The following SMAD2 variants were observed in gnomAD, a reference collection of about 807,000 sequenced individuals.
SMAD2 encodes MAD homolog 2.
A neutral mutation model predicts 64.4 loss-of-function variants in SMAD2; 8 were observed. The ratio of observed to expected loss-of-function variants is 0.12; its 90% confidence interval spans 0.07 to 0.22. The LOEUF is 0.22. Among genes scored for constraint, SMAD2 ranks in the 10% least tolerant of loss-of-function variants. The pLI, the probability that SMAD2 is intolerant of heterozygous loss-of-function variation, is 1.00. For missense variants in SMAD2, 289 were observed against 561.2 expected (o/e 0.51, Z 4.90); for synonymous variants, 203 against 195.8 (o/e 1.04, Z -0.31).
chr18:47,841,632 T>C lies in SMAD2; in HGVS notation c.*195A>G, dbSNP rs537979570. On this transcript the variant is annotated 3_prime_UTR_variant, in exon 11 of 11. Transcript: ENST00000262160. ...TCTTCCTCTTTAATGGGAGAGTATT[T>C]CTAGACACTAATTTTCCCATCTAAT... The C allele has an allele frequency of 1.2e-4, 77 of 627,044 alleles. 1 individual carries two copies. Among genetic ancestry groups the C allele is most frequent in the Non-Finnish European group, 2.1e-4 (73 of 352,482 alleles). 38.8% of individuals were successfully genotyped at this position (627,044 alleles called of 1,614,324 possible).
rs1912758987 is a variant in SMAD2, at chr18:47,826,427, G to A, written c.*15400C>T. 1 of 152,222 alleles carries A rather than the reference G, an allele frequency of 6.6e-6. No homozygotes were observed. The highest frequency in any genetic ancestry group is 2.4e-5 in the African/African-American group (1 of 41,460). The allele number at this position is 152,222 out of a possible 1,614,324, so 9.4% of individuals were successfully genotyped here. ...TTTAGCCATGTGGCTTGTTTCTGGTGAATGCTAGTTAGCATGAAGCATGCA... is the reference window on the plus strand; with the variant it reads ...TTTAGCCATGTGGCTTGTTTCTGGTAAATGCTAGTTAGCATGAAGCATGCA... On this transcript the variant is annotated 3_prime_UTR_variant, in exon 11 of 11. Transcript: ENST00000262160.
At chr18:47,917,897 G>C (rs113392302) in intron 1 of SMAD2, among the ~76,000 whole-genome samples, 2,608 of 152,256 alleles carry the variant, frequency 0.017, 67 homozygotes, top group African/African-American at 0.059. Context: ...ATAGGGAGAA[G>C]AGGTAAGGAG....
chr18:47,845,193 T>C, intron 10 of SMAD2, 147 bp downstream of exon 10: 1 of 808,878 alleles, frequency 1.2e-6, no homozygotes, highest in South Asian at 1.4e-5. Context: ...GTTTTGAATT[T>C]GGAGGCCTCC....
chr18:47,883,038 A>G (rs942295347), intron 2 of SMAD2, among the ~76,000 whole-genome samples: 3 of 152,148 alleles, frequency 2.0e-5, no homozygotes, highest in Non-Finnish European at 4.4e-5. Context: ...TTATCTCTCC[A>G]AAGAACTCGC....
At chr18:47,902,298 G>A (rs187297823) in intron 1 of SMAD2, among the ~76,000 whole-genome samples, 4 of 152,114 alleles carry the variant, frequency 2.6e-5, no homozygotes, top group East Asian at 1.9e-4. Flanking sequence ...GTTCTCTATC[G>A]CTAAATATAT....
chr18:47,868,264 T>A, intron 5 of SMAD2, 59 bp downstream of exon 5: 1 of 1,435,272 alleles, frequency 7.0e-7, no homozygotes, highest in Non-Finnish European at 9.8e-7. Context: ...AAAACTTGAA[T>A]GCTTATGAAC....
chr18:47,915,381 T>C (rs1016543847), intron 1 of SMAD2, among the ~76,000 whole-genome samples: 1 of 152,212 alleles, frequency 6.6e-6, no homozygotes, highest in African/African-American at 2.4e-5. Context: ...TCCTAGTTCA[T>C]TCATTTTAGC....
intron 2 of SMAD2, among the ~76,000 whole-genome samples, chr18:47,881,614 C>T (rs1189117944): frequency 1.3e-5 from 2 of 152,132 alleles, no homozygotes; most frequent in Non-Finnish European, 2.9e-5. Context: ...CTTGCTAGGT[C>T]TTCTATTAAA....
chr18:47,836,802 G>A lies in SMAD2; in HGVS notation c.*5025C>T, dbSNP rs558211698. The A allele has an allele frequency of 4.6e-4, 99 of 216,552 alleles. 1 individual carries two copies. The highest frequency in any genetic ancestry group is 2.0e-3 in the African/African-American group (90 of 44,104). The allele number at this position is 216,552 out of a possible 1,614,324, so 13.4% of individuals were successfully genotyped here. A position where few individuals can be genotyped will look rare whatever the true frequency, so the allele number is the denominator to read the frequency against. On this transcript the variant is annotated 3_prime_UTR_variant, in exon 11 of 11. Coordinates refer to ENST00000262160, the MANE Select transcript of SMAD2 (RefSeq NM_005901.6). ...TATCTAGTATAGCTCATATTTCCTG[G>A]TTGTAAGGCTCAAAACACAGGAATT...
chr18:47,923,242 T>C (rs2034635501), intron 1 of SMAD2, among the ~76,000 whole-genome samples: 2 of 150,280 alleles, frequency 1.3e-5, no homozygotes, highest in Non-Finnish European at 2.9e-5. Context: ...AGCACAAATA[T>C]AAAGTACAAG....
intron 1 of SMAD2, among the ~76,000 whole-genome samples, chr18:47,906,460 G>A (rs1409769649): frequency 1.3e-5 from 2 of 152,140 alleles, no homozygotes; most frequent in Non-Finnish European, 1.5e-5. Flanking sequence ...AGGAGCACAT[G>A]AAGAGGTATT....
In SMAD2 at chr18:47,816,092, T is replaced by C. The variant is rs1912355517; in HGVS notation, c.*25735A>G. On this transcript the variant is annotated 3_prime_UTR_variant, in exon 11 of 11. Transcript: ENST00000262160. Reference sequence around the variant, plus strand: ...GACGGTAAACACATACCTCATGTCTTGGCTTCTAGAGCCCGGAGATAAGAT... The same window carrying C: ...GACGGTAAACACATACCTCATGTCTCGGCTTCTAGAGCCCGGAGATAAGAT... 1 of 152,234 alleles carries C rather than the reference T, an allele frequency of 6.6e-6. No individual in the cohort carries two copies. The highest frequency in any genetic ancestry group is 2.4e-5 in the African/African-American group (1 of 41,456). The allele number at this position is 152,234 out of a possible 1,614,324, so 9.4% of individuals were successfully genotyped here.
chr18:47,914,508 G>A (rs1186185043), intron 1 of SMAD2, among the ~76,000 whole-genome samples: 1 of 152,136 alleles, frequency 6.6e-6, no homozygotes, highest in Non-Finnish European at 1.5e-5. Flanking sequence ...TATTCTTATG[G>A]ATGCTTTAGT....
chr18:47,825,012 G>A lies in SMAD2; in HGVS notation c.*16815C>T, dbSNP rs931339347. 46 of 152,112 alleles carry A rather than the reference G, an allele frequency of 3.0e-4. No individual in the cohort carries two copies. Among genetic ancestry groups the A allele is most frequent in the Non-Finnish European group, 4.4e-5 (3 of 68,024 alleles). 9.4% of individuals were successfully genotyped at this position (152,112 alleles called of 1,614,324 possible). On this transcript the variant is annotated 3_prime_UTR_variant, in exon 11 of 11. Coordinates refer to ENST00000262160, the MANE Select transcript of SMAD2 (RefSeq NM_005901.6). Reference sequence around the variant, plus strand: ...AGACTGGAAAAAATATACACCAGTCGTTTTCTCTGGTTGTTGGAATCTGGG... The same window carrying A: ...AGACTGGAAAAAATATACACCAGTCATTTTCTCTGGTTGTTGGAATCTGGG...
Position 47,837,010 on chromosome 18 carries a change from A to G in SMAD2, c.*4817T>C, listed in dbSNP as rs1164219611. ...AAATACAACAATCCAATATGCCCCA[A>G]GATGGAAATCTGGTATCGTAGGGAA... On this transcript the variant is annotated 3_prime_UTR_variant, in exon 11 of 11. Coordinates refer to ENST00000262160, the MANE Select transcript of SMAD2 (RefSeq NM_005901.6). 1.9e-5 allele frequency: 4 copies of G among 212,696 alleles called. No individual in the cohort carries two copies. Among genetic ancestry groups the G allele is most frequent in the Non-Finnish European group, 3.8e-5 (4 of 105,032 alleles). The allele number at this position is 212,696 out of a possible 1,614,324, so 13.2% of individuals were successfully genotyped here.
chr18:47,850,439 G>A (rs866235978), intron 7 of SMAD2, among the ~76,000 whole-genome samples: 3 of 14,088 alleles, frequency 2.1e-4, no homozygotes, highest in Non-Finnish European at 3.3e-4. Flanking sequence ...TATATATTAT[G>A]TATAATATAT....
intron 1 of SMAD2, among the ~76,000 whole-genome samples, chr18:47,901,853 C>T (rs979278380): frequency 6.6e-6 from 1 of 152,136 alleles, no homozygotes; most frequent in Non-Finnish European, 1.5e-5. Flanking sequence ...TCTGGTTTAG[C>T]TCTCTAGCCT....
At chr18:47,882,664 C>T (rs539393752) in intron 2 of SMAD2, among the ~76,000 whole-genome samples, 1 of 152,146 alleles carries the variant, frequency 6.6e-6, no homozygotes, top group African/African-American at 2.4e-5. Context: ...CATAAAACAA[C>T]ATTTTTCTGA....
intron 2 of SMAD2, among the ~76,000 whole-genome samples, chr18:47,872,704 C>T (rs777746486): frequency 1.3e-5 from 2 of 151,982 alleles, no homozygotes; most frequent in East Asian, 1.9e-4. Context: ...ACTGCACATG[C>T]GAGGGCTTTA....
Sources: gnomAD v4.1 joint callset for allele counts (sites outside exome capture counted in the v4.1 genomes callset) on GRCh38, gnomAD v4.1.1 for gene constraint, MANE v1.5 for transcripts, NCBI Gene and HGNC (gene_info 2026-07-23, HGNC 2026-07-21) for gene names.